Variants in ADAM18 observed in about 807,000 individuals in gnomAD.
ADAM18 encodes disintegrin and metalloproteinase domain-containing protein 18.
ADAM18 carries 117 observed loss-of-function variants against 94.4 expected under a neutral mutation model. The ratio of observed to expected loss-of-function variants is 1.24; its 90% confidence interval spans 1.07 to 1.45. The LOEUF is 1.45. Among genes scored for constraint, ADAM18 ranks in the 40% most tolerant of loss-of-function variants. The pLI is 0.00. For missense variants in ADAM18, 936 were observed against 880.0 expected, an observed-to-expected ratio of 1.06 and a Z score of -0.81; for synonymous variants, 327 against 291.6, an observed-to-expected ratio of 1.12 and a Z score of -1.24.
chr8:39,606,278 A>C (rs1270896335), intron 2 of ADAM18, 29 bp from the exon 3 acceptor site: 1 of 1,331,780 alleles, frequency 7.5e-7, no homozygotes, highest in Non-Finnish European at 1.0e-6. Context: ...GGTTTCCTTC[A>C]CAATCTTTAC....
intron 18 of ADAM18, among the ~76,000 whole-genome samples, chr8:39,722,665 C>T (rs946522329): frequency 2.0e-5 from 3 of 151,434 alleles, no homozygotes; most frequent in African/African-American, 7.3e-5. Flanking sequence ...CTTGTACCTC[C>T]TTAATCTATT....
intron 14 of ADAM18, among the ~76,000 whole-genome samples, chr8:39,676,843 G>A (rs746628920): frequency 2.6e-5 from 4 of 152,198 alleles, no homozygotes; most frequent in East Asian, 1.9e-4. Flanking sequence ...CACATAGAGT[G>A]GATAACAGGA....
chr8:39,600,652 C>T (rs181842744), intron 2 of ADAM18, among the ~76,000 whole-genome samples: 47 of 152,264 alleles, frequency 3.1e-4, no homozygotes, highest in Admixed American at 1.9e-3. Flanking sequence ...GACTTGCTAA[C>T]GAGCCTTAAT....
intron 10 of ADAM18, 138 bp from the exon 11 acceptor site, chr8:39,645,200 C>A: frequency 1.4e-6 from 1 of 694,258 alleles, no homozygotes; most frequent in Non-Finnish European, 2.3e-6. Context: ...AAATAAATGG[C>A]ATACCAAAAT....
At chr8:39,628,842 C>G (rs992277615) in intron 6 of ADAM18, among the ~76,000 whole-genome samples, 6 of 152,002 alleles carry the variant, frequency 3.9e-5, no homozygotes, top group African/African-American at 1.4e-4. Context: ...TTCAATAGGT[C>G]CAGAGCATAG....
At chr8:39,605,459 C>T (rs1268940051) in intron 2 of ADAM18, among the ~76,000 whole-genome samples, 1 of 152,122 alleles carries the variant, frequency 6.6e-6, no homozygotes, top group Non-Finnish European at 1.5e-5. Flanking sequence ...TCTTTTTCCA[C>T]AGTTTTATAT....
intron 2 of ADAM18, among the ~76,000 whole-genome samples, chr8:39,588,245 TA>T (rs1818465861): frequency 6.6e-6 from 1 of 151,706 alleles, no homozygotes; most frequent in South Asian, 2.1e-4. Context: ...TTTTTTTTTT[TA>T]ACAAAACCCA....
intron 14 of ADAM18, among the ~76,000 whole-genome samples, chr8:39,669,268 C>CTCT (rs1447302822): frequency 1.4e-5 from 2 of 147,506 alleles, no homozygotes; most frequent in East Asian, 4.0e-4. Flanking sequence ...TTTTTGAGTT[C>CTCT]TTTTTTGTTT....
intron 6 of ADAM18, among the ~76,000 whole-genome samples, chr8:39,613,930 A>G (rs1164869155): frequency 6.6e-6 from 1 of 152,222 alleles, no homozygotes; most frequent in Non-Finnish European, 1.5e-5. Flanking sequence ...AAAAATAAAG[A>G]AAAAATGCAA....
At chr8:39,607,666 C>T (rs534041794) in intron 3 of ADAM18, among the ~76,000 whole-genome samples, 72 of 152,132 alleles carry the variant, frequency 4.7e-4, no homozygotes, top group Non-Finnish European at 8.5e-4. Flanking sequence ...ACCACAGACT[C>T]CTGCTCCTGA....
At chr8:39,594,922 C>A (rs1007498234) in intron 2 of ADAM18, among the ~76,000 whole-genome samples, 4 of 150,038 alleles carry the variant, frequency 2.7e-5, no homozygotes, top group East Asian at 2.0e-4. Context: ...CTTGTGAGTA[C>A]CTTTTCAACT....
intron 10 of ADAM18, among the ~76,000 whole-genome samples, chr8:39,640,864 A>C (rs1820218248): frequency 6.7e-6 from 1 of 149,088 alleles, no homozygotes; most frequent in African/African-American, 2.5e-5. Context: ...CCACTTTGTA[A>C]TGGTTTTTTT....
At chr8:39,591,040 G>A (rs776483094) in intron 2 of ADAM18, among the ~76,000 whole-genome samples, 5 of 152,250 alleles carry the variant, frequency 3.3e-5, no homozygotes, top group Non-Finnish European at 7.4e-5. Context: ...TTTATTAAGT[G>A]TGCAATAGTG....
chr8:39,607,519 G>A (rs73605933), intron 3 of ADAM18, among the ~76,000 whole-genome samples: 5,420 of 152,192 alleles, frequency 0.036, 246 homozygotes, highest in African/African-American at 0.11. Context: ...TTTTCTGATA[G>A]AATCATCAGT....
At chr8:39,626,076 T>C (rs1349454405) in intron 6 of ADAM18, among the ~76,000 whole-genome samples, 2 of 152,178 alleles carry the variant, frequency 1.3e-5, no homozygotes, top group South Asian at 4.1e-4. Context: ...TTAAAATTAG[T>C]GACTCAATCT....
At chr8:39,596,301 C>T (rs1818739806) in intron 2 of ADAM18, among the ~76,000 whole-genome samples, 1 of 152,172 alleles carries the variant, frequency 6.6e-6, no homozygotes, top group Non-Finnish European at 1.5e-5. Flanking sequence ...AATAAGTTCA[C>T]TGTTCTAAAA....
intron 11 of ADAM18, 146 bp from the exon 12 acceptor site, chr8:39,648,198 A>G: frequency 1.8e-6 from 1 of 550,826 alleles, no homozygotes; most frequent in Non-Finnish European, 3.0e-6. Context: ...GCAATATTAA[A>G]ATTTAATTAT....
At chr8:39,667,950 A>C (rs370347997) in intron 13 of ADAM18, 48 bp from the exon 14 acceptor site, 1 of 1,552,654 alleles carries the variant, frequency 6.4e-7, no homozygotes. Context: ...TAAGCAATTG[A>C]GAAAAATGAT....
intron 12 of ADAM18, among the ~76,000 whole-genome samples, chr8:39,662,744 C>A (rs1413518651): frequency 1.3e-5 from 2 of 152,154 alleles, no homozygotes. Flanking sequence ...CTTGCCTCAG[C>A]GTCCTGAGTA....
Sources: gnomAD v4.1 joint callset for allele counts (sites outside exome capture counted in the v4.1 genomes callset) on GRCh38, gnomAD v4.1.1 for gene constraint, MANE v1.5 for transcripts, NCBI Gene and HGNC (gene_info 2026-07-23, HGNC 2026-07-21) for gene names.